The following FBL variants were observed in gnomAD, a reference collection of about 807,000 sequenced individuals.
FBL encodes the protein rRNA 2'-O-methyltransferase fibrillarin.
FBL carries 10 observed loss-of-function variants against 42.2 expected under a neutral mutation model. That is an observed-to-expected ratio of 0.24 (90% CI 0.15 to 0.40). FBL has a LOEUF of 0.40. FBL is among the 10% of genes least tolerant of loss of function. The pLI is 1.00. For synonymous variants in FBL, 165 were observed against 165.4 expected, an observed-to-expected ratio of 1.00 and a Z score of 0.02; for missense variants, 351 against 439.2, an observed-to-expected ratio of 0.80 and a Z score of 1.79.
intron 6 of FBL, among the ~76,000 whole-genome samples, chr19:39,837,283 TTTATA>T (rs1201192103): frequency 3.3e-5 from 5 of 152,334 alleles, no homozygotes; most frequent in East Asian, 3.9e-4. Flanking sequence ...CTTTTCAACT[TTTATA>T]TTATATCTTT....
At chr19:39,837,870 AG>A in intron 5 of FBL, 27 bp from the exon 6 acceptor site, 1 of 1,604,680 alleles carries the variant, frequency 6.2e-7, no homozygotes, top group Non-Finnish European at 8.5e-7. Flanking sequence ...ATTAATGAAC[AG>A]TGATGCTAGT....
intron 8 of FBL, 25 bp downstream of exon 8, chr19:39,834,643 G>T (rs745478059): frequency 6.2e-7 from 1 of 1,614,054 alleles, no homozygotes; most frequent in Non-Finnish European, 8.5e-7. Flanking sequence ...TGTCTGTCTT[G>T]GTGTATTGCT....
At position 39,836,676 on chromosome 19, in the gene FBL, G is replaced by C. The variant is rs765861883; in HGVS notation, c.683-8C>G. 3.1e-6 allele frequency: 5 copies of C among 1,608,324 alleles called. No individual in the cohort carries two copies. The highest frequency in any genetic ancestry group is 2.6e-6 in the Non-Finnish European group (3 of 1,175,134). On this transcript the variant is annotated splice_region_variant and splice_polypyrimidine_tract_variant and intron_variant, in intron 6 of 8. Transcript: ENST00000221801. ...AGATCACATCCACCATTGCTAAGGA[G>C]AAAGGAGCAGCAGTTAAAAGTTGGA...
chr19:39,845,569 T>C (rs1166743712), intron 1 of FBL, among the ~76,000 whole-genome samples: 1 of 152,064 alleles, frequency 6.6e-6, no homozygotes, highest in Non-Finnish European at 1.5e-5. Flanking sequence ...CAGAATCTAG[T>C]GGAAAATCTT....
chr19:39,844,696 T>C (rs897433500), intron 1 of FBL, among the ~76,000 whole-genome samples: 2 of 152,134 alleles, frequency 1.3e-5, no homozygotes, highest in Non-Finnish European at 2.9e-5. Context: ...CCACACCATC[T>C]CCTAGATTAC....
intron 1 of FBL, among the ~76,000 whole-genome samples, chr19:39,845,608 AACCACCCGCCCC>A (rs1969249077): frequency 6.6e-6 from 1 of 152,172 alleles, no homozygotes; most frequent in Admixed American, 6.5e-5. Context: ...CTCCTGTGAC[AACCACCCGCCCC>A]ACCACCCCAG....
At chr19:39,835,697 A>T (rs1299715656) in intron 7 of FBL, among the ~76,000 whole-genome samples, 1 of 152,122 alleles carries the variant, frequency 6.6e-6, no homozygotes, top group African/African-American at 2.4e-5. Flanking sequence ...AGCCTGAGAC[A>T]GGCAGATTGC....
At position 39,840,776 on chromosome 19, in the gene FBL, G is replaced by T; in HGVS notation, c.22C>A (p.Arg8Ser). 6.4e-7 allele frequency: 1 copy of T among 1,558,184 alleles called. No individual in the cohort carries two copies. Among genetic ancestry groups the T allele is most frequent in the Non-Finnish European group, 8.7e-7 (1 of 1,150,814 alleles). The change falls in exon 2 of 9, where the codon CGT becomes AGT. Residue 8 changes from arginine to serine, a missense_variant. By Grantham distance (110) the Arg-to-Ser change is moderately radical. Coordinates refer to ENST00000221801, the MANE Select transcript of FBL (RefSeq NM_001436.4). The surrounding 1 kb of genome is among the most constrained non-coding windows in gnomAD (Gnocchi z 4.5). MKPGFSP[R>S]GGGFGGRGGF... Reference sequence around the variant, plus strand: ...CCTCGGCCGCCAAAGCCACCCCCACGGGGACTGAATCCTGTGGGGGAAACA... The same window carrying T: ...CCTCGGCCGCCAAAGCCACCCCCACTGGGACTGAATCCTGTGGGGGAAACA...
intron 1 of FBL, among the ~76,000 whole-genome samples, chr19:39,844,239 A>C (rs1333201889): frequency 6.6e-6 from 1 of 152,170 alleles, no homozygotes; most frequent in African/African-American, 2.4e-5. Context: ...ACCTTCATTT[A>C]GGGGAGATGC....
chr19:39,845,959 A>G (rs1485136454), intron 1 of FBL, among the ~76,000 whole-genome samples: 2 of 152,186 alleles, frequency 1.3e-5, no homozygotes, highest in Non-Finnish European at 2.9e-5. Context: ...AAGACTCCAG[A>G]TGCCTGAATC....
chr19:39,837,922 C>G, intron 5 of FBL, 79 bp from the exon 6 acceptor site: 1 of 1,194,222 alleles, frequency 8.4e-7, no homozygotes, highest in Non-Finnish European at 1.2e-6. Flanking sequence ...ATACACTATA[C>G]ACAGCATCTC....
Position 39,840,244 on chromosome 19 carries a change from C to A in FBL, c.367G>T (p.Val123Phe). The A allele has an allele frequency of 6.2e-7, 1 of 1,613,798 alleles. No homozygotes were observed. Among genetic ancestry groups the A allele is most frequent in the South Asian group, 1.1e-5 (1 of 91,074 alleles). The change falls in exon 4 of 9, where the codon GTC becomes TTC. Residue 123 changes from valine (V) to phenylalanine (F), a missense_variant. Transcript: ENST00000221801. This position sits in a 1 kb window ranked among gnomAD's most constrained non-coding sequence, Gnocchi z 4.5. ...GGCCCAGTTCTCACCGAAATCGAGACTCTCTTCTCTCCATAAACTGATTCC... is the reference window on the plus strand; with the variant it reads ...GGCCCAGTTCTCACCGAAATCGAGAATCTCTTCTCTCCATAAACTGATTCC... ...PGESVYGEKR[V>F]SISEGDDKIE...
In FBL at chr19:39,837,745, A is replaced by G. The variant is rs1387301813; in HGVS notation, c.648T>C (p.Asp216=). Residue 216 remains aspartate, a synonymous_variant, in exon 6 of 9, where the codon GAT becomes GAC. Coordinates refer to ENST00000221801, the MANE Select transcript of FBL (RefSeq NM_001436.4). ...TGCGGTATTTGTGTGGGTGTCGAGCATCCTCGATCACAGGAATGATGTTGG... is the reference window on the plus strand; with the variant it reads ...TGCGGTATTTGTGTGGGTGTCGAGCGTCCTCGATCACAGGAATGATGTTGG... ...KRTNIIPVIE[D]ARHPHKYRML... is the part of the protein sequence containing the mutation. The G allele has an allele frequency of 1.9e-6, 3 of 1,595,180 alleles. No homozygotes were observed. Among genetic ancestry groups the G allele is most frequent in the East Asian group, 4.5e-5 (2 of 44,156 alleles).
chr19:39,843,304 C>T (rs1969195355), intron 1 of FBL, among the ~76,000 whole-genome samples: 1 of 152,182 alleles, frequency 6.6e-6, no homozygotes, highest in Admixed American at 6.5e-5. Context: ...AAGGAGAAAG[C>T]ACCCTCTATT....
chr19:39,844,484 G>A (rs1969222475), intron 1 of FBL, among the ~76,000 whole-genome samples: 1 of 151,640 alleles, frequency 6.6e-6, no homozygotes, highest in Non-Finnish European at 1.5e-5. Context: ...GGGGAGGGGG[G>A]TCCATAAACC....
At chr19:39,839,870 G>A (rs1969123647) in intron 4 of FBL, among the ~76,000 whole-genome samples, 1 of 152,208 alleles carries the variant, frequency 6.6e-6, no homozygotes, top group Non-Finnish European at 1.5e-5. Flanking sequence ...GCAGAGTGGT[G>A]TGACGCAGCC....
In FBL at chr19:39,834,614, G is replaced by A. The variant is rs111685762; in HGVS notation, c.942-52C>T. On this transcript the variant is annotated intron_variant, in intron 8 of 8. Coordinates refer to ENST00000221801, the MANE Select transcript of FBL (RefSeq NM_001436.4). The stretch of plus-strand genomic sequence containing the variant: ...GAGGGTCCCCAGGATCATGGCACTC[G>A]GGGTGCAAGGGACAGAGATGTCTGT... 2.4e-3 allele frequency: 3,915 copies of A among 1,613,982 alleles called. 43 individuals are homozygous for A. In the African/African-American group the frequency reaches 0.031, roughly 13 times the overall value.
In FBL at chr19:39,840,892, C is replaced by T. The variant is rs936069292; in HGVS notation, c.11-105G>A. On this transcript the variant is annotated intron_variant, in intron 1 of 8. Coordinates refer to ENST00000221801, the MANE Select transcript of FBL (RefSeq NM_001436.4). The surrounding 1 kb of genome is among the most constrained non-coding windows in gnomAD (Gnocchi z 4.5). ...GTGAGAAACCTGAAATACATGTGCC[C>T]GTGTACAGCAGGACACATTTCCAAG... 7.0e-5 allele frequency: 77 copies of T among 1,098,542 alleles called. No individual in the cohort carries two copies. The highest frequency in any genetic ancestry group is 2.4e-4 in the African/African-American group (15 of 63,142). The allele number at this position is 1,098,542 out of a possible 1,614,324, so 68.0% of individuals were successfully genotyped here.
chr19:39,840,567 C>T lies in FBL; in HGVS notation c.181+50G>A. On this transcript the variant is annotated intron_variant, in intron 2 of 8. Coordinates refer to ENST00000221801, the MANE Select transcript of FBL (RefSeq NM_001436.4). The surrounding 1 kb of genome is among the most constrained non-coding windows in gnomAD (Gnocchi z 4.5). ...GAAAGATCCTGAATCTCCGCCCTCC[C>T]CACTCCCCACCTCAGGAAGGCCTCC... 1 of 1,612,900 alleles carries T rather than the reference C, an allele frequency of 6.2e-7. No homozygotes were observed. Among genetic ancestry groups the T allele is most frequent in the Non-Finnish European group, 8.5e-7 (1 of 1,179,210 alleles).
Sources: gnomAD v4.1 joint callset for allele counts (sites outside exome capture counted in the v4.1 genomes callset) on GRCh38, gnomAD v4.1.1 for gene constraint, Gnocchi (gnomAD v3.1) non-coding constraint, MANE v1.5 for transcripts, NCBI Gene and HGNC (gene_info 2026-07-23, HGNC 2026-07-21) for gene names.